Variants in TRPM3 observed in about 807,000 individuals in gnomAD.
TRPM3 encodes the protein transient receptor potential cation channel subfamily M member 3, also known as long transient receptor potential channel 3.
A neutral mutation model predicts 181.2 loss-of-function variants in TRPM3; 77 were observed. The observed-to-expected ratio is 0.42, with a 90% CI of 0.35 to 0.51. The LOEUF (loss-of-function observed/expected upper bound fraction) is 0.51, where lower values mean the gene tolerates loss of function less well. TRPM3 is among the 20% of genes least tolerant of loss of function. The probability of loss-of-function intolerance (pLI) is 0.01; values close to 1 mark genes in which losing one functional copy is unlikely to be tolerated. For synonymous variants in TRPM3, 745 were observed against 796.4 expected (o/e 0.94, Z 1.09); for missense variants, 1,759 against 2,196.7 (o/e 0.80, Z 3.98).
intron 1 of TRPM3, among the ~76,000 whole-genome samples, chr9:70,942,434 AG>A (rs1363872861): frequency 2.0e-5 from 3 of 152,200 alleles, no homozygotes; most frequent in African/African-American, 7.2e-5. Context: ...AGAAGAGGTG[AG>A]CATCTCAGCC....
chr9:70,846,116 T>C (rs1308690786), intron 4 of TRPM3, among the ~76,000 whole-genome samples: 3 of 152,212 alleles, frequency 2.0e-5, no homozygotes, highest in Non-Finnish European at 1.5e-5. Flanking sequence ...CCTGTGAAAT[T>C]CCATTAGTCA....
intron 2 of TRPM3, among the ~76,000 whole-genome samples, chr9:70,863,633 T>C (rs1372169712): frequency 1.3e-5 from 2 of 152,186 alleles, no homozygotes; most frequent in African/African-American, 2.4e-5. Flanking sequence ...GCTTAAGTGT[T>C]CTTGACGAAA....
At chr9:70,549,461 G>T in intron 25 of TRPM3, 81 bp downstream of exon 25, 1 of 1,483,048 alleles carries the variant, frequency 6.7e-7, no homozygotes, top group East Asian at 2.4e-5. Context: ...TCTCTGTTTT[G>T]TGACCGTGTG....
intron 1 of TRPM3, among the ~76,000 whole-genome samples, chr9:71,220,356 T>TTTATTA (rs34805476): frequency 0.044 from 6,410 of 145,902 alleles, 398 homozygotes; most frequent in African/African-American, 0.13. Context: ...AAAAGTCTGA[T>TTTATTA]TTATTATTAT....
At chr9:70,544,400 T>C (rs1168750223) in intron 25 of TRPM3, among the ~76,000 whole-genome samples, 1 of 152,150 alleles carries the variant, frequency 6.6e-6, no homozygotes, top group Non-Finnish European at 1.5e-5. Flanking sequence ...GACCAATATA[T>C]TGATATAGAT....
chr9:70,642,510 A>C (rs113359938), intron 9 of TRPM3, among the ~76,000 whole-genome samples: 257 of 152,306 alleles, frequency 1.7e-3, no homozygotes, highest in African/African-American at 6.0e-3. Flanking sequence ...TGATTCCAAA[A>C]CTTTGCTGCA....
Position 70,862,986 on chromosome 9 carries a change from G to C in TRPM3, c.384C>G (p.Ser128Arg). 4 of 1,613,708 alleles carry C rather than the reference G, an allele frequency of 2.5e-6. No individual in the cohort carries two copies. In the South Asian group the frequency reaches 4.4e-5, roughly 18 times the overall value. Residue 128 changes from serine to arginine, a missense_variant, in exon 3 of 26, where the codon AGC becomes AGG. Around this residue, in one of 8 missense-constraint regions of TRPM3, gnomAD observed 737 missense variants for 957.4 expected, o/e 0.77. Transcript: ENST00000677713. ...CCGTAGGGCTGAGTTGAGTGTGTTT[G>C]CTGATGGACCACTTTTCAGACTGGA... ...NDIQSEKWSI[S>R]KHTQLSPTDA...
chr9:70,602,807 TGA>T (rs1295137341), intron 20 of TRPM3, among the ~76,000 whole-genome samples: 2 of 152,214 alleles, frequency 1.3e-5, no homozygotes, highest in Non-Finnish European at 2.9e-5. Flanking sequence ...ACTCACAACC[TGA>T]AGGATCTGTG....
intron 1 of TRPM3, among the ~76,000 whole-genome samples, chr9:71,328,265 G>A (rs1364285393): frequency 1.3e-5 from 2 of 152,064 alleles, no homozygotes; most frequent in African/African-American, 4.8e-5. Context: ...CCGGGTTCAC[G>A]CCATTCTCCT....
chr9:71,437,415 T>G (rs1348844063), intron 1 of TRPM3, among the ~76,000 whole-genome samples: 5 of 152,350 alleles, frequency 3.3e-5, no homozygotes, highest in African/African-American at 9.6e-5. Context: ...GAATAATATT[T>G]CATAAGGTAA....
At chr9:70,571,617 A>G (rs958476527) in intron 22 of TRPM3, among the ~76,000 whole-genome samples, 3 of 152,132 alleles carry the variant, frequency 2.0e-5, no homozygotes, top group Non-Finnish European at 4.4e-5. Flanking sequence ...CACAGAATAC[A>G]TAGGTATATT....
At chr9:70,931,187 T>A (rs1414893053) in intron 1 of TRPM3, among the ~76,000 whole-genome samples, 1 of 152,110 alleles carries the variant, frequency 6.6e-6, no homozygotes, top group Admixed American at 6.5e-5. Flanking sequence ...TAATGGTAAT[T>A]ATCCTTATAG....
chr9:71,006,253 A>G (rs1037669091), intron 1 of TRPM3, among the ~76,000 whole-genome samples: 1 of 152,184 alleles, frequency 6.6e-6, no homozygotes, highest in African/African-American at 2.4e-5. Context: ...ACTACATCAG[A>G]AAATGGTAAA....
At chr9:71,140,074 A>T (rs1351846007) in intron 1 of TRPM3, among the ~76,000 whole-genome samples, 1 of 152,152 alleles carries the variant, frequency 6.6e-6, no homozygotes, top group Admixed American at 6.5e-5. Flanking sequence ...CATGAGGGAG[A>T]GGCCTAGAGA....
chr9:70,966,667 C>A (rs1225183454), intron 1 of TRPM3, among the ~76,000 whole-genome samples: 1 of 152,070 alleles, frequency 6.6e-6, no homozygotes, highest in Non-Finnish European at 1.5e-5. Flanking sequence ...CGCGTGTTCT[C>A]ACTTATAAGT....
chr9:70,805,687 A>G (rs545996426), intron 6 of TRPM3, among the ~76,000 whole-genome samples: 3 of 152,320 alleles, frequency 2.0e-5, no homozygotes, highest in Admixed American at 6.5e-5. Context: ...CATACACCCT[A>G]TAAGAGTTCT....
chr9:70,633,001 A>T (rs1384872005), intron 12 of TRPM3, among the ~76,000 whole-genome samples: 1 of 152,252 alleles, frequency 6.6e-6, no homozygotes, highest in Non-Finnish European at 1.5e-5. Flanking sequence ...ATACTCAGTG[A>T]AATCTAACTG....
rs115199285 is a variant in TRPM3, at chr9:71,379,148, G to A, written c.183+67505C>T. On this transcript the variant is annotated intron_variant, in intron 1 of 24. Coordinates refer to the TRPM3 transcript ENST00000357533. ...ATAATCTGATTTCAACTTTTGCTAC[G>A]TGAAATACTTACCTAAAGTGGCAAA... is the stretch of plus-strand genomic sequence containing the variant. 2.2e-3 allele frequency among the ~76,000 whole-genome samples: 331 copies of A among 151,958 alleles called. 1 individual carries two copies. Among genetic ancestry groups the A allele is most frequent in the African/African-American group, 7.5e-3 (312 of 41,474 alleles).
At chr9:70,810,186 C>G in intron 6 of TRPM3, 1 of 431,466 alleles carries the variant, frequency 2.3e-6, no homozygotes, top group Admixed American at 2.5e-5. Context: ...CTGCTTGCCT[C>G]CACCCCCACC....
Sources: allele counts gnomAD v4.1 joint callset (sites outside exome capture counted in the v4.1 genomes callset), GRCh38; gene constraint gnomAD v4.1.1; regional missense constraint gnomAD v4.1.1; transcripts MANE v1.5; gene names NCBI Gene and HGNC (gene_info 2026-07-23, HGNC 2026-07-21).